Variants in ASTN2 observed in about 807,000 individuals in gnomAD.
ASTN2 encodes astrotactin 2, also known as astrotactin-2.
ASTN2 carries 54 observed loss-of-function variants against 139.8 expected under a neutral mutation model. The ratio of observed to expected loss-of-function variants is 0.39; its 90% CI spans 0.31 to 0.48. ASTN2 has a LOEUF of 0.48. Ranked by LOEUF, ASTN2 falls within the 20% of genes least tolerant of loss-of-function variation. The probability of loss-of-function intolerance (pLI) is 0.95; values close to 1 mark genes in which losing one functional copy is unlikely to be tolerated. For missense variants in ASTN2, 1,565 were observed against 1,725.1 expected, an observed-to-expected ratio of 0.91 and a Z score of 1.64; for synonymous variants, 756 against 719.5, an observed-to-expected ratio of 1.05 and a Z score of -0.81.
At chr9:116,806,813 A>G (rs1202639684) in intron 12 of ASTN2, among the ~76,000 whole-genome samples, 1 of 152,234 alleles carries the variant, frequency 6.6e-6, no homozygotes, top group Admixed American at 6.5e-5. Flanking sequence ...GAATTGCAAT[A>G]TACTTAACAC....
intron 1 of ASTN2, among the ~76,000 whole-genome samples, chr9:117,300,570 G>A (rs1289725776): frequency 6.6e-6 from 1 of 152,174 alleles, no homozygotes; most frequent in African/African-American, 2.4e-5. Context: ...ACACGTGAGA[G>A]GTCAGTTAAT....
At chr9:116,633,270 C>T (rs1366249793) in intron 17 of ASTN2, among the ~76,000 whole-genome samples, 12 of 152,250 alleles carry the variant, frequency 7.9e-5, no homozygotes, top group Admixed American at 7.8e-4. Flanking sequence ...AGGCATCTTG[C>T]TCTGTGACCT....
intron 6 of ASTN2, among the ~76,000 whole-genome samples, chr9:117,020,044 G>GTGTGTT (rs71379250): frequency 2.1e-5 from 3 of 139,684 alleles, no homozygotes; most frequent in Non-Finnish European, 4.7e-5. Flanking sequence ...GTGTGTGTGT[G>GTGTGTT]TATGTGTGTG....
chr9:116,740,086 G>T (rs1829057922), intron 13 of ASTN2, among the ~76,000 whole-genome samples: 2 of 152,206 alleles, frequency 1.3e-5, no homozygotes, highest in Admixed American at 6.5e-5. Context: ...GACCAGATGA[G>T]AAAAGATGAT....
intron 6 of ASTN2, among the ~76,000 whole-genome samples, chr9:117,023,875 G>A (rs1303161395): frequency 6.6e-6 from 1 of 152,126 alleles, no homozygotes; most frequent in Non-Finnish European, 1.5e-5. Flanking sequence ...AGGACTGGAG[G>A]CCTCTAGATG....
At chr9:117,080,228 T>C (rs987036105) in intron 5 of ASTN2, among the ~76,000 whole-genome samples, 1 of 152,220 alleles carries the variant, frequency 6.6e-6, no homozygotes, top group African/African-American at 2.4e-5. Context: ...TGAGTTGATT[T>C]GTTTGTCCTT....
At chr9:116,492,289 C>T (rs554478413) in intron 19 of ASTN2, among the ~76,000 whole-genome samples, 6 of 152,168 alleles carry the variant, frequency 3.9e-5, no homozygotes, top group African/African-American at 7.2e-5. Context: ...ACCATGTTGG[C>T]CATTCTGGTC....
chr9:117,266,270 A>G (rs1359555059), intron 2 of ASTN2, among the ~76,000 whole-genome samples: 1 of 152,176 alleles, frequency 6.6e-6, no homozygotes, highest in Non-Finnish European at 1.5e-5. Flanking sequence ...TCCAGTAATA[A>G]GCACGCCTAC....
intron 2 of ASTN2, among the ~76,000 whole-genome samples, chr9:117,277,467 C>T (rs1453541797): frequency 6.6e-6 from 1 of 152,042 alleles, no homozygotes; most frequent in Non-Finnish European, 1.5e-5. Context: ...ACCTTGGTGC[C>T]CTGTTAGTGG....
rs377286662 is a variant in ASTN2 at position 117,273,951 on chromosome 9, T to C, written c.630+17375A>G. Among the ~76,000 whole-genome samples the C allele has an allele frequency of 4.2e-4, 64 of 152,294 alleles. 1 individual carries two copies. The South Asian group carries it at 0.012, about 29-fold the overall frequency. ...ATCACTTGGTCAGGCCAGACATATC[T>C]TCACCTTCTGAGGAGTAGAAGATAG... On this transcript the variant is annotated intron_variant, in intron 2 of 22. Coordinates refer to ENST00000313400, the MANE Select transcript of ASTN2 (RefSeq NM_001365068.1).
At chr9:117,244,729 A>T (rs148359456) in intron 2 of ASTN2, among the ~76,000 whole-genome samples, 130 of 106,668 alleles carry the variant, frequency 1.2e-3, no homozygotes, top group Middle Eastern at 5.1e-3. Context: ...GGAGGGAAGG[A>T]GGGAGTGAGG....
At chr9:116,601,359 C>A (rs1444052363) in intron 19 of ASTN2, among the ~76,000 whole-genome samples, 2 of 152,190 alleles carry the variant, frequency 1.3e-5, no homozygotes, top group Non-Finnish European at 2.9e-5. Context: ...AAATAAGATA[C>A]CTATTCATCA....
At chr9:117,135,952 C>G (rs1458277660) in intron 4 of ASTN2, among the ~76,000 whole-genome samples, 1 of 152,130 alleles carries the variant, frequency 6.6e-6, no homozygotes, top group Non-Finnish European at 1.5e-5. Context: ...TAGACAGAGG[C>G]AGGGTACAGC....
intron 4 of ASTN2, among the ~76,000 whole-genome samples, chr9:117,111,772 AAT>A (rs1405561388): frequency 1.3e-5 from 2 of 152,126 alleles, no homozygotes; most frequent in Non-Finnish European, 2.9e-5. Flanking sequence ...CTGAAAATGA[AAT>A]ATATATAGAC....
chr9:117,077,104 G>A (rs1412828369), intron 5 of ASTN2, among the ~76,000 whole-genome samples: 7 of 152,166 alleles, frequency 4.6e-5, no homozygotes, highest in African/African-American at 9.7e-5. Flanking sequence ...ATAAATACAT[G>A]TGGGAGAGCA....
chr9:117,126,587 A>G (rs952193528), intron 4 of ASTN2, among the ~76,000 whole-genome samples: 1 of 152,216 alleles, frequency 6.6e-6, no homozygotes, highest in Admixed American at 6.5e-5. Flanking sequence ...TAGCTTTGAG[A>G]TTCATTCCTC....
intron 10 of ASTN2, among the ~76,000 whole-genome samples, chr9:116,948,950 A>G (rs10481641): frequency 0.048 from 7,247 of 150,952 alleles, 575 homozygotes; most frequent in African/African-American, 0.16. Flanking sequence ...CGCCACCACC[A>G]TTGGCTAATT....
intron 1 of ASTN2, among the ~76,000 whole-genome samples, chr9:117,410,529 C>T (rs75527497): frequency 0.011 from 1,746 of 152,314 alleles, 13 homozygotes; most frequent in African/African-American, 0.025. Context: ...CATCTACCCA[C>T]TCATATTGCA....
intron 1 of ASTN2, among the ~76,000 whole-genome samples, chr9:117,368,868 C>T (rs915185895): frequency 6.6e-6 from 1 of 152,156 alleles, no homozygotes; most frequent in East Asian, 1.9e-4. Context: ...GTATGAAGAA[C>T]AATCATTTAT....
Sources: allele counts gnomAD v4.1 joint callset (sites outside exome capture counted in the v4.1 genomes callset), GRCh38; gene constraint gnomAD v4.1.1; transcripts MANE v1.5; gene names NCBI Gene and HGNC (gene_info 2026-07-23, HGNC 2026-07-21).